The following KANK1 variants were observed in gnomAD, a reference collection of about 807,000 sequenced individuals.
The protein encoded by KANK1 is KN motif and ankyrin repeat domains 1.
A neutral mutation model predicts 106.2 loss-of-function variants in KANK1; 109 were observed. That is an observed-to-expected ratio of 1.03 (90% CI 0.88 to 1.20). The LOEUF (loss-of-function observed/expected upper bound fraction) is 1.20. Ranked by LOEUF, KANK1 falls within the 50% of genes most tolerant of loss-of-function variation. The pLI, the probability that KANK1 is intolerant of heterozygous loss-of-function variation, is 0.00. For synonymous variants in KANK1, 873 were observed against 652.2 expected (o/e 1.34, Z -5.16); for missense variants, 2,399 against 1,710.7 (o/e 1.40, Z -7.10).
chr9:671,945 C>A (rs1815251405), intron 1 of KANK1, among the ~76,000 whole-genome samples: 1 of 152,014 alleles, frequency 6.6e-6, no homozygotes, highest in East Asian at 1.9e-4. Context: ...AAGACTCCGT[C>A]TCAAAAAAGA....
chr9:651,351 C>G (rs1374046884), intron 1 of KANK1, among the ~76,000 whole-genome samples: 1 of 152,182 alleles, frequency 6.6e-6, no homozygotes, highest in African/African-American at 2.4e-5. Flanking sequence ...AATTTTCTGT[C>G]TTTTTATATA....
intron 1 of KANK1, among the ~76,000 whole-genome samples, chr9:576,229 C>G (rs1449936177): frequency 6.6e-6 from 1 of 152,190 alleles, no homozygotes; most frequent in African/African-American, 2.4e-5. Flanking sequence ...TTCAGTACCA[C>G]TAGCTTCATA....
At chr9:641,411 C>G (rs1267056707) in intron 1 of KANK1, among the ~76,000 whole-genome samples, 4 of 152,092 alleles carry the variant, frequency 2.6e-5, no homozygotes, top group Non-Finnish European at 5.9e-5. Flanking sequence ...TGGTGGTGAT[C>G]CTTGTTTCTT....
intron 2 of KANK1, among the ~76,000 whole-genome samples, chr9:700,872 GAACA>G (rs1273576206): frequency 6.6e-6 from 1 of 152,144 alleles, no homozygotes; most frequent in Non-Finnish European, 1.5e-5. Flanking sequence ...AGTGAAATCA[GAACA>G]AAGAAGTCAG....
intron 1 of KANK1, among the ~76,000 whole-genome samples, chr9:544,223 G>A (rs2060789437): frequency 6.6e-6 from 1 of 151,820 alleles, no homozygotes; most frequent in African/African-American, 2.4e-5. Flanking sequence ...GTTTTGCCAT[G>A]TTGCCCAGAC....
intron 1 of KANK1, among the ~76,000 whole-genome samples, chr9:671,756 T>A (rs1219965453): frequency 1.3e-5 from 2 of 152,042 alleles, no homozygotes; most frequent in Non-Finnish European, 2.9e-5. Context: ...TATACCAGCC[T>A]GGCCAACATG....
chr9:662,687 G>A (rs1381514857), intron 1 of KANK1, among the ~76,000 whole-genome samples: 1 of 117,360 alleles, frequency 8.5e-6, no homozygotes, highest in African/African-American at 3.4e-5. Context: ...TTTGAGACAG[G>A]GTCTTGCTCT....
chr9:677,104 G>A (rs906645807), intron 2 of KANK1, 95 bp downstream of exon 2: 4 of 1,154,196 alleles, frequency 3.5e-6, no homozygotes, highest in Non-Finnish European at 3.8e-6. Context: ...ATAGCAAGTT[G>A]CCTAGATAAC....
At position 615,302 on chromosome 9, in the gene KANK1, A is replaced by G. The variant is rs959299593; in HGVS notation, c.-83-61588A>G. 2.6e-5 allele frequency among the ~76,000 whole-genome samples: 4 copies of G among 152,336 alleles called. No homozygotes were observed. The East Asian group carries it at 7.7e-4, about 29-fold the overall frequency. On this transcript the variant is annotated intron_variant, in intron 1 of 11. Transcript: ENST00000382297. ...TATTGCATTTTATTTGAAACTGTTA[A>G]TAGACACATAATTTGCTGATGAATT...
At chr9:554,184 T>C (rs2061440584) in intron 1 of KANK1, among the ~76,000 whole-genome samples, 1 of 152,176 alleles carries the variant, frequency 6.6e-6, no homozygotes, top group Admixed American at 6.5e-5. Context: ...ATCTGCAAAC[T>C]AGAGAACAAG....
At chr9:729,990 G>A in intron 3 of KANK1, 61 bp from the exon 4 acceptor site, 6 of 1,435,838 alleles carry the variant, frequency 4.2e-6, no homozygotes, top group Non-Finnish European at 5.7e-6. Flanking sequence ...AATTGTTTTT[G>A]TTGAAGCCTG....
At chr9:540,859 A>G (rs1189487203) in intron 1 of KANK1, among the ~76,000 whole-genome samples, 2 of 152,284 alleles carry the variant, frequency 1.3e-5, no homozygotes, top group East Asian at 1.9e-4. Context: ...TGTGGTATCA[A>G]TTGTAATGTC....
At chr9:729,814 T>C (rs1333447269) in intron 3 of KANK1, among the ~76,000 whole-genome samples, 1 of 152,146 alleles carries the variant, frequency 6.6e-6, no homozygotes, top group Non-Finnish European at 1.5e-5. Context: ...ACCAAGGCTA[T>C]GACGGTAGCA....
At chr9:572,611 G>C (rs1446156421) in intron 1 of KANK1, among the ~76,000 whole-genome samples, 1 of 151,898 alleles carries the variant, frequency 6.6e-6, no homozygotes. Context: ...GGCTGGTCTT[G>C]AATTCCTGGC....
chr9:518,065 A>G (rs1379487874), intron 1 of KANK1, among the ~76,000 whole-genome samples: 1 of 151,558 alleles, frequency 6.6e-6, no homozygotes, highest in African/African-American at 2.4e-5. Context: ...GCCATCCCCA[A>G]ATGATCTGAT....
intron 7 of KANK1, among the ~76,000 whole-genome samples, chr9:737,177 T>A (rs1438147267): frequency 6.6e-6 from 1 of 152,178 alleles, no homozygotes; most frequent in Non-Finnish European, 1.5e-5. Flanking sequence ...TAATTTCCCT[T>A]CTTTCAGTGT....
In KANK1 at chr9:731,286, C is replaced by T. The variant is rs1257872652; in HGVS notation, c.3005+20C>T. ...TGGAGGGTAAGGAAAGATGGTGGTT[C>T]TAGAGGCTAATGCTGTCAGTCTCCT... On this transcript the variant is annotated intron_variant, in intron 5 of 11. Coordinates refer to ENST00000382297, the MANE Select transcript of KANK1 (RefSeq NM_015158.5). The T allele has an allele frequency of 1.4e-6, 2 of 1,434,428 alleles. No individual in the cohort carries two copies. The highest frequency in any genetic ancestry group is 2.8e-5 in the African/African-American group (2 of 70,984). The allele number at this position is 1,434,428 out of a possible 1,614,324, so 88.9% of individuals were successfully genotyped here.
At position 730,461 on chromosome 9, in the gene KANK1, G is replaced by A. The variant is rs969574671; in HGVS notation, c.2896+213G>A. 3.2e-5 allele frequency: 17 copies of A among 536,486 alleles called. No individual in the cohort carries two copies. The Admixed American group carries it at 3.4e-4, about 11-fold the overall frequency. 33.2% of individuals were successfully genotyped at this position (536,486 alleles called of 1,614,324 possible). A position where few individuals can be genotyped will look rare whatever the true frequency, so the allele number is the denominator to read the frequency against. ...GATCCCAGCACTTTGGGAGGCCAAGGCAGGCAGATCATTTGAGGCCAGGAG... is the reference window on the plus strand; with the variant it reads ...GATCCCAGCACTTTGGGAGGCCAAGACAGGCAGATCATTTGAGGCCAGGAG... On this transcript the variant is annotated intron_variant, in intron 4 of 11. Coordinates refer to ENST00000382297, the MANE Select transcript of KANK1 (RefSeq NM_015158.5).
Position 560,485 on chromosome 9 carries a change from G to C in KANK1, c.-84+55731G>C. On this transcript the variant is annotated intron_variant, in intron 1 of 11. Coordinates refer to ENST00000382297, the MANE Select transcript of KANK1 (RefSeq NM_015158.5). ...GAGGGTTGAGGGTACAGGAATTGAA[G>C]GTTGGATTGTGGGCAGGATGTAGGG... Among the ~76,000 whole-genome samples, 2 of 152,214 alleles carry C rather than the reference G, an allele frequency of 1.3e-5. 1 individual carries two copies. Among genetic ancestry groups the C allele is most frequent in the East Asian group, 3.8e-4 (2 of 5,200 alleles).
Sources: allele counts gnomAD v4.1 joint callset (sites outside exome capture counted in the v4.1 genomes callset), GRCh38; gene constraint gnomAD v4.1.1; transcripts MANE v1.5; gene names NCBI Gene and HGNC (gene_info 2026-07-23, HGNC 2026-07-21).